The following SDK2 variants were observed in gnomAD, a reference collection of about 807,000 sequenced individuals.
SDK2 encodes the protein sidekick cell adhesion molecule 2.
A neutral mutation model predicts 253.9 loss-of-function variants in SDK2; 105 were observed. The observed-to-expected ratio is 0.41, with a 90% CI of 0.35 to 0.49. The LOEUF is 0.49. Ranked by LOEUF, SDK2 falls within the 20% of genes least tolerant of loss-of-function variation. The pLI, the probability that SDK2 is intolerant of heterozygous loss-of-function variation, is 0.06. For missense variants in SDK2, 2,608 were observed against 3,003.0 expected, an observed-to-expected ratio of 0.87 and a Z score of 3.07; for synonymous variants, 1,249 against 1,234.9, an observed-to-expected ratio of 1.01 and a Z score of -0.24.
intron 19 of SDK2, 36 bp downstream of exon 19, chr17:73,401,910 G>A (rs201295692): frequency 5.3e-6 from 8 of 1,496,174 alleles, no homozygotes; most frequent in South Asian, 1.2e-5. Flanking sequence ...CCTTGGGCGG[G>A]GGGGGGCAGA....
At chr17:73,425,219 CA>C (rs1367530330) in intron 12 of SDK2, among the ~76,000 whole-genome samples, 1 of 151,834 alleles carries the variant, frequency 6.6e-6, no homozygotes, top group East Asian at 1.9e-4. Flanking sequence ...AACTCCATCT[CA>C]AAAACACACA....
intron 33 of SDK2, among the ~76,000 whole-genome samples, chr17:73,381,534 A>G (rs1055291558): frequency 6.6e-6 from 1 of 152,144 alleles, no homozygotes; most frequent in African/African-American, 2.4e-5. Flanking sequence ...CTGCTAACTC[A>G]CTAGAAGACA....
intron 4 of SDK2, among the ~76,000 whole-genome samples, chr17:73,450,827 G>A (rs539186788): frequency 1.0e-3 from 152 of 152,284 alleles, no homozygotes; most frequent in African/African-American, 3.5e-3. Flanking sequence ...CACGCATCCC[G>A]TGGTGCACAG....
At chr17:73,403,277 G>A (rs2063043920) in intron 18 of SDK2, among the ~76,000 whole-genome samples, 1 of 152,188 alleles carries the variant, frequency 6.6e-6, no homozygotes, top group African/African-American at 2.4e-5. Flanking sequence ...ACTTCAGTTT[G>A]TGGGTAACTA....
intron 1 of SDK2, chr17:73,641,234 T>C (rs1181552744): frequency 6.6e-6 from 1 of 152,228 alleles, no homozygotes; most frequent in Admixed American, 6.5e-5. Context: ...ATAATTGCCA[T>C]GTATTAAGTA....
intron 2 of SDK2, among the ~76,000 whole-genome samples, chr17:73,480,628 A>C (rs1369162047): frequency 6.6e-6 from 1 of 152,050 alleles, no homozygotes; most frequent in East Asian, 1.9e-4. Flanking sequence ...GGGGGTGAAA[A>C]TGAGAGACAG....
At chr17:73,623,596 A>G (rs2046161538) in intron 1 of SDK2, among the ~76,000 whole-genome samples, 1 of 152,118 alleles carries the variant, frequency 6.6e-6, no homozygotes, top group African/African-American at 2.4e-5. Flanking sequence ...TGCTCTGCAA[A>G]AGCAGGGATA....
chr17:73,380,256 C>T (rs2062819574), intron 34 of SDK2, among the ~76,000 whole-genome samples: 1 of 152,090 alleles, frequency 6.6e-6, no homozygotes, highest in Admixed American at 6.6e-5. Context: ...GTCTATGCAG[C>T]CTGGGTTGGT....
At chr17:73,475,804 T>C (rs536019256) in intron 2 of SDK2, among the ~76,000 whole-genome samples, 1 of 152,370 alleles carries the variant, frequency 6.6e-6, no homozygotes, top group African/African-American at 2.4e-5. Flanking sequence ...TGTTCATTGA[T>C]ACAGGCTACC....
At chr17:73,471,715 A>G (rs965176520) in intron 3 of SDK2, among the ~76,000 whole-genome samples, 14 of 152,190 alleles carry the variant, frequency 9.2e-5, no homozygotes, top group African/African-American at 3.4e-4. Context: ...CCCAGGTGTG[A>G]GGTGGACCAC....
intron 44 of SDK2, among the ~76,000 whole-genome samples, chr17:73,339,477 C>A (rs546653921): frequency 1.6e-4 from 24 of 152,156 alleles, no homozygotes; most frequent in African/African-American, 5.8e-4. Context: ...CCGCTTCACC[C>A]TCCCAAAGTA....
intron 2 of SDK2, among the ~76,000 whole-genome samples, chr17:73,483,697 ATATATATATATTTTTT>A (rs1567799493): frequency 2.9e-5 from 2 of 67,874 alleles, no homozygotes; most frequent in African/African-American, 1.4e-4. Context: ...ATATATATAT[ATATATATATATTTTTT>A]TTTTTTTTTA....
At position 73,643,396 on chromosome 17, in the gene SDK2, C is replaced by T. The variant is rs76380229; in HGVS notation, c.64+629G>A. 0.11 allele frequency among the ~76,000 whole-genome samples: 16,013 copies of T among 152,116 alleles called. 1,014 individuals are homozygous for T. Among genetic ancestry groups the T allele is most frequent in the African/African-American group, 0.18 (7,445 of 41,510 alleles). On this transcript the variant is annotated intron_variant, in intron 1 of 44. Coordinates refer to ENST00000392650, the MANE Select transcript of SDK2 (RefSeq NM_001144952.2). The surrounding 1 kb of genome is among the most constrained non-coding windows in gnomAD (Gnocchi z 6.9). ...CCTCAGACCCTCCCTGTGCACCACC[C>T]CCCGGTGGGTCCGCGGCTGCACCCG...
intron 44 of SDK2, 128 bp from the exon 45 acceptor site, chr17:73,339,068 G>A (rs921460569): frequency 1.5e-5 from 12 of 815,636 alleles, no homozygotes; most frequent in Non-Finnish European, 1.2e-5. Flanking sequence ...TGGACTGTGG[G>A]CCTCCCAGCC....
At chr17:73,630,560 G>A (rs1190761670) in intron 1 of SDK2, among the ~76,000 whole-genome samples, 1 of 151,954 alleles carries the variant, frequency 6.6e-6, no homozygotes, top group Non-Finnish European at 1.5e-5. Context: ...AGGAGGCATG[G>A]CTGTGCCTCA....
In SDK2 at chr17:73,389,802, T is replaced by G. The variant is rs1400946142; in HGVS notation, c.4192+485A>C. Among the ~76,000 whole-genome samples, 5 of 152,200 alleles carry G rather than the reference T, an allele frequency of 3.3e-5. No homozygotes were observed. In the East Asian group the frequency reaches 9.7e-4, roughly 29 times the overall value. Reference sequence around the variant, plus strand: ...TCTTGTTCTGTCACCCAGGCTGGAGTGCAGTGGTGCGATCTTGGCTCACTG... The same window carrying G: ...TCTTGTTCTGTCACCCAGGCTGGAGGGCAGTGGTGCGATCTTGGCTCACTG... On this transcript the variant is annotated intron_variant, in intron 29 of 44. Coordinates refer to ENST00000392650, the MANE Select transcript of SDK2 (RefSeq NM_001144952.2).
intron 19 of SDK2, 39 bp downstream of exon 19, chr17:73,401,907 C>G (rs111577935): frequency 1.1e-5 from 15 of 1,414,168 alleles, no homozygotes; most frequent in Middle Eastern, 2.1e-4. Flanking sequence ...TGGCCTTGGG[C>G]GGGGGGGGGC....
intron 5 of SDK2, among the ~76,000 whole-genome samples, chr17:73,445,699 G>A (rs2063448674): frequency 1.1e-5 from 1 of 88,166 alleles, no homozygotes; most frequent in South Asian, 2.8e-4. Flanking sequence ...CAAATTGGTT[G>A]GCAGGCAGGC....
At chr17:73,594,720 A>G (rs920766537) in intron 1 of SDK2, among the ~76,000 whole-genome samples, 2 of 152,116 alleles carry the variant, frequency 1.3e-5, no homozygotes, top group African/African-American at 4.8e-5. Context: ...CACAAATACA[A>G]ATACATGCAG....
Sources: gnomAD v4.1 joint callset for allele counts (sites outside exome capture counted in the v4.1 genomes callset) on GRCh38, gnomAD v4.1.1 for gene constraint, Gnocchi (gnomAD v3.1) non-coding constraint, MANE v1.5 for transcripts, NCBI Gene and HGNC (gene_info 2026-07-23, HGNC 2026-07-21) for gene names.